ZNF841: variants seen among roughly 807,000 people sequenced by gnomAD.
ZNF841 encodes the protein TCONS_00006091.
In ZNF841, 11 loss-of-function variants were observed where a neutral mutation model predicts 13.0. The ratio of observed to expected loss-of-function variants is 0.85; its 90% CI spans 0.53 to 1.40. The LOEUF is 1.40. Ranked by LOEUF, ZNF841 falls within the 40% of genes most tolerant of loss-of-function variation. The pLI is 0.00. For synonymous variants in ZNF841, 369 were observed against 381.6 expected, an observed-to-expected ratio of 0.97 and a Z score of 0.38; for missense variants, 1,068 against 1,139.5, an observed-to-expected ratio of 0.94 and a Z score of 0.90.
At chr19:52,091,876 G>A (rs945143873) in intron 2 of ZNF841, among the ~76,000 whole-genome samples, 22 of 152,116 alleles carry the variant, frequency 1.4e-4, no homozygotes, top group African/African-American at 4.6e-4. Flanking sequence ...TTGGCCAGGC[G>A]CAGTGGCTCA....
intron 2 of ZNF841, among the ~76,000 whole-genome samples, chr19:52,090,628 A>G (rs1025854977): frequency 3.3e-5 from 4 of 121,958 alleles, no homozygotes; most frequent in African/African-American, 1.1e-4. Context: ...AGAAAGAAAG[A>G]AAGAAGGAAG....
rs767808887 is a variant in ZNF841, at chr19:52,065,069, G to C, written c.*38C>G. On this transcript the variant is annotated 3_prime_UTR_variant, in exon 7 of 7. Transcript: ENST00000594440. ...ACAATTCCACATGAGACTTCAAAGG[G>C]AAAGGACAAATATACAAGCTATATG... 1.4e-6 allele frequency: 2 copies of C among 1,432,768 alleles called. No individual in the cohort carries two copies. The highest frequency in any genetic ancestry group is 1.8e-6 in the Non-Finnish European group (2 of 1,083,946). 88.8% of individuals were successfully genotyped at this position (1,432,768 alleles called of 1,614,324 possible). A position where few individuals can be genotyped will look rare whatever the true frequency, so the allele number is the denominator to read the frequency against.
intron 3 of ZNF841, among the ~76,000 whole-genome samples, chr19:52,085,288 T>C (rs2088233330): frequency 6.6e-6 from 1 of 152,080 alleles, no homozygotes; most frequent in South Asian, 2.1e-4. Flanking sequence ...CTTTAAACAA[T>C]ATGGAGGTTG....
intron 6 of ZNF841, among the ~76,000 whole-genome samples, chr19:52,070,398 AGCCGTCC>A: frequency 6.6e-6 from 1 of 152,304 alleles, no homozygotes; most frequent in Middle Eastern, 3.4e-3. Context: ...AGCTTTACAC[AGCCGTCC>A]GTATTTATTA....
downstream of ZNF841, among the ~76,000 whole-genome samples, chr19:52,061,694 A>ACAC (rs2087400043): frequency 1.3e-5 from 2 of 152,090 alleles, 1 homozygote; most frequent in South Asian, 4.1e-4. Context: ...TTACAGGCAC[A>ACAC]CACCACCATG....
chr19:52,065,305 C>T lies in ZNF841; in HGVS notation c.2577G>A (p.Gly859=), dbSNP rs2087509225. The T allele has an allele frequency of 1.2e-6, 2 of 1,612,676 alleles. No individual in the cohort carries two copies. The highest frequency in any genetic ancestry group is 1.7e-6 in the Non-Finnish European group (2 of 1,179,184). Residue 859 remains glycine (G), a synonymous_variant, in exon 7 of 7, where the codon GGG becomes GGA. Transcript: ENST00000594440. ...YKCMECGKAF[G]RRSCLTKHQR... Reference sequence around the variant, plus strand: ...GGTGTTTAGTGAGGCAAGACCGCCGCCCAAACGCCTTGCCACATTCCATAC... The same window carrying T: ...GGTGTTTAGTGAGGCAAGACCGCCGTCCAAACGCCTTGCCACATTCCATAC...
At chr19:52,081,267 G>A (rs1285704143) in intron 4 of ZNF841, among the ~76,000 whole-genome samples, 1 of 152,128 alleles carries the variant, frequency 6.6e-6, no homozygotes, top group Non-Finnish European at 1.5e-5. Flanking sequence ...GCATTGTTTA[G>A]GAAATAATGA....
rs1421778367 is a variant in ZNF841 at position 52,065,110 on chromosome 19, T to C, written c.2772A>G (p.Lys924=). Reference sequence around the variant, plus strand: ...AAGCTATATGAGTAAGTATAAATTATTTGGGGATCCCAGAGGTTAGGACAA... The same window carrying C: ...AAGCTATATGAGTAAGTATAAATTACTTGGGGATCCCAGAGGTTAGGACAA... ...LDVVLTSGIP[K] is the part of the protein sequence containing the mutation. Residue 924 remains lysine (K), a synonymous_variant, in exon 7 of 7, where the codon AAA becomes AAG. Coordinates refer to ENST00000594440, the MANE Select transcript of ZNF841 (RefSeq NM_001136499.2). The C allele has an allele frequency of 6.6e-7, 1 of 1,511,798 alleles. No individual in the cohort carries two copies. Among genetic ancestry groups the C allele is most frequent in the Non-Finnish European group, 8.8e-7 (1 of 1,133,054 alleles). 93.6% of individuals were successfully genotyped at this position (1,511,798 alleles called of 1,614,324 possible).
At position 52,083,079 on chromosome 19, in the gene ZNF841, CAA is replaced by C. The variant is rs60065931; in HGVS notation, c.15+1706_15+1707del. 5.8e-4 allele frequency among the ~76,000 whole-genome samples: 69 copies of C among 118,636 alleles called. No homozygotes were observed. The East Asian group carries it at 6.1e-3, about 10-fold the overall frequency. The allele number at this position is 118,636 out of a possible 152,430, so 77.8% of individuals were successfully genotyped here. On this transcript the variant is annotated intron_variant, in intron 4 of 6. Transcript: ENST00000594440. ...TGGGCGACAGAGCAAGACTCCGTCT[CAA>C]AAAAAAAAAAAAAATGTACATTTCA... is the stretch of plus-strand genomic sequence containing the variant.
At chr19:52,090,648 AAGGAAG>A (rs2088444365) in intron 2 of ZNF841, among the ~76,000 whole-genome samples, 1 of 127,676 alleles carries the variant, frequency 7.8e-6, no homozygotes, top group East Asian at 2.4e-4. Context: ...GGAAGGAAGG[AAGGAAG>A]GAAAGAAAGA....
chr19:52,066,512 T>A lies in ZNF841; in HGVS notation c.1370A>T (p.Tyr457Phe), dbSNP rs759216317. ...GACCTTGCCACATTCATTACATTTG[T>A]AAGGTGTCTCTCCAGTATGAATTAT... is the stretch of plus-strand genomic sequence containing the variant. Reference protein sequence around the residue: ...HQIIHTGETPYKCNECGKVFF... With the variant: ...HQIIHTGETPFKCNECGKVFF... The change falls in exon 7 of 7, where the codon TAC becomes TTC. Residue 457 changes from tyrosine to phenylalanine, a missense_variant. By Grantham distance (22) the Tyr-to-Phe change is conservative. Coordinates refer to ENST00000594440, the MANE Select transcript of ZNF841 (RefSeq NM_001136499.2). 6.2e-7 allele frequency: 1 copy of A among 1,613,988 alleles called. No individual in the cohort carries two copies. The highest frequency in any genetic ancestry group is 8.5e-7 in the Non-Finnish European group (1 of 1,179,936).
At chr19:52,069,043 A>T (rs114453758) in intron 6 of ZNF841, among the ~76,000 whole-genome samples, 1,537 of 152,260 alleles carry the variant, frequency 0.01, 27 homozygotes, top group African/African-American at 0.032. Context: ...TATGTAACAA[A>T]CAACAGAGCA....
At chr19:52,087,454 A>G (rs2088311885) in intron 3 of ZNF841, among the ~76,000 whole-genome samples, 1 of 152,132 alleles carries the variant, frequency 6.6e-6, no homozygotes, top group Non-Finnish European at 1.5e-5. Context: ...CTTGTAAGTG[A>G]GAACATGCAG....
chr19:52,065,544 G>C lies in ZNF841; in HGVS notation c.2338C>G (p.Leu780Val). 6.2e-7 allele frequency: 1 copy of C among 1,614,078 alleles called. No homozygotes were observed. The highest frequency in any genetic ancestry group is 1.1e-5 in the South Asian group (1 of 91,070). ...CGKVFRYRSG[L>V]ARHWSIHTGE... is the part of the protein sequence containing the mutation. ...GTATGAATACTCCAATGACGTGCGA[G>C]GCCTGAGCGATAACGGAAGACCTTG... Residue 780 changes from leucine (L) to valine (V), a missense_variant, in exon 7 of 7, where the codon CTC becomes GTC. Transcript: ENST00000594440.
At position 52,065,302 on chromosome 19, in the gene ZNF841, C is replaced by T; in HGVS notation, c.2580G>A (p.Arg860=). 1 of 1,612,764 alleles carries T rather than the reference C, an allele frequency of 6.2e-7. No homozygotes were observed. Among genetic ancestry groups the T allele is most frequent in the African/African-American group, 1.3e-5 (1 of 74,870 alleles). ...GTTGGTGTTTAGTGAGGCAAGACCG[C>T]CGCCCAAACGCCTTGCCACATTCCA... is the stretch of plus-strand genomic sequence containing the variant. The part of the protein sequence containing the change: ...KCMECGKAFG[R]RSCLTKHQRI... The change falls in exon 7 of 7, where the codon CGG becomes CGA. Residue 860 remains arginine, a synonymous_variant. Coordinates refer to ENST00000594440, the MANE Select transcript of ZNF841 (RefSeq NM_001136499.2).
At position 52,064,538 on chromosome 19, in the gene ZNF841, C is replaced by T. The variant is rs2087476918; in HGVS notation, c.*569G>A. 1 of 153,626 alleles carries T rather than the reference C, an allele frequency of 6.5e-6. No homozygotes were observed. Among genetic ancestry groups the T allele is most frequent in the African/African-American group, 2.4e-5 (1 of 41,378 alleles). 9.5% of individuals were successfully genotyped at this position (153,626 alleles called of 1,614,324 possible). A position where few individuals can be genotyped will look rare whatever the true frequency, so the allele number is the denominator to read the frequency against. ...GAAACATGGCGCTGACGTCTGTTCA[C>T]CCTCTCGGGAAACCTGAGGAAGGTT... is the stretch of plus-strand genomic sequence containing the variant. On this transcript the variant is annotated 3_prime_UTR_variant, in exon 7 of 7. Coordinates refer to ENST00000594440, the MANE Select transcript of ZNF841 (RefSeq NM_001136499.2).
downstream of ZNF841, among the ~76,000 whole-genome samples, chr19:52,060,432 G>T (rs542878200): frequency 6.6e-6 from 1 of 152,282 alleles, no homozygotes; most frequent in South Asian, 2.1e-4. Flanking sequence ...AAACTGGAAG[G>T]TTTCCGTGTG....
chr19:52,069,892 A>G (rs967162250), intron 6 of ZNF841, among the ~76,000 whole-genome samples: 1 of 152,208 alleles, frequency 6.6e-6, no homozygotes, highest in Non-Finnish European at 1.5e-5. Flanking sequence ...CCAATATGCT[A>G]TCTCATTATA....
intron 6 of ZNF841, among the ~76,000 whole-genome samples, chr19:52,073,167 A>C (rs1271424829): frequency 6.6e-6 from 1 of 152,080 alleles, no homozygotes; most frequent in Non-Finnish European, 1.5e-5. Flanking sequence ...ATGAAACTGG[A>C]CTCCTATCTC....
Sources: gnomAD v4.1 joint callset for allele counts (sites outside exome capture counted in the v4.1 genomes callset) on GRCh38, gnomAD v4.1.1 for gene constraint, MANE v1.5 for transcripts, NCBI Gene and HGNC (gene_info 2026-07-23, HGNC 2026-07-21) for gene names.